MYO3A: variants seen among roughly 807,000 people sequenced by gnomAD.
The protein encoded by MYO3A is myosin-IIIa.
A neutral mutation model predicts 192.7 loss-of-function variants in MYO3A; 180 were observed. That is an observed-to-expected ratio of 0.93 (90% confidence interval 0.83 to 1.06). The LOEUF (loss-of-function observed/expected upper bound fraction) is 1.06. Among genes scored for constraint, MYO3A ranks in the 50% least tolerant of loss-of-function variants. The pLI, the probability that MYO3A is intolerant of heterozygous loss-of-function variation, is 0.00. For missense variants in MYO3A, 1,896 were observed against 1,905.0 expected (o/e 1.00, Z 0.09); for synonymous variants, 628 against 645.3 (o/e 0.97, Z 0.41).
Position 26,212,055 on chromosome 10 carries a change from G to A in MYO3A, c.*92G>A. On this transcript the variant is annotated 3_prime_UTR_variant, in exon 35 of 35. Transcript: ENST00000642920. ...GGCACTCTGGGGCTGGCACCAGCAG[G>A]CACTGAAGCTGCGGCCCTGATCTCC... is the stretch of plus-strand genomic sequence containing the variant. 1.3e-6 allele frequency: 2 copies of A among 1,510,800 alleles called. No homozygotes were observed. Among genetic ancestry groups the A allele is most frequent in the Non-Finnish European group, 1.8e-6 (2 of 1,122,574 alleles). The allele number at this position is 1,510,800 out of a possible 1,614,324, so 93.6% of individuals were successfully genotyped here.
At chr10:26,032,306 T>C (rs1842834299) in intron 10 of MYO3A, among the ~76,000 whole-genome samples, 1 of 152,160 alleles carries the variant, frequency 6.6e-6, no homozygotes, top group South Asian at 2.1e-4. Context: ...AAACTAAAAA[T>C]TGACCATCCA....
At chr10:25,947,519 G>T (rs1041735056) in intron 2 of MYO3A, among the ~76,000 whole-genome samples, 4 of 150,228 alleles carry the variant, frequency 2.7e-5, no homozygotes, top group African/African-American at 9.8e-5. Context: ...TCAGCCTGCT[G>T]AGTAGCTGGG....
In MYO3A at chr10:26,026,363, T is replaced by C; in HGVS notation, c.798-14T>C. 3 of 1,613,938 alleles carry C rather than the reference T, an allele frequency of 1.9e-6. No homozygotes were observed. Among genetic ancestry groups the C allele is most frequent in the Non-Finnish European group, 2.5e-6 (3 of 1,179,884 alleles). ...ACTTATCTAATAATTGCATGTTCTT[T>C]TTTGCCAGTGCAGGTGCTTGACTAA... is the stretch of plus-strand genomic sequence containing the variant. On this transcript the variant is annotated splice_polypyrimidine_tract_variant and intron_variant, in intron 9 of 34. Transcript: ENST00000642920.
At chr10:25,953,443 A>G (rs11014876) in intron 3 of MYO3A, among the ~76,000 whole-genome samples, 1,860 of 152,228 alleles carry the variant, frequency 0.012, 80 homozygotes, top group Admixed American at 0.07. Context: ...CCCAGGCTTA[A>G]CTGTTGCTGA....
At chr10:26,127,014 A>G (rs1839257347) in intron 19 of MYO3A, among the ~76,000 whole-genome samples, 1 of 152,144 alleles carries the variant, frequency 6.6e-6, no homozygotes, top group Non-Finnish European at 1.5e-5. Flanking sequence ...GTTATGGGAC[A>G]CTGGGCAACT....
At chr10:26,176,276 A>G (rs1343194628) in intron 30 of MYO3A, among the ~76,000 whole-genome samples, 1 of 151,410 alleles carries the variant, frequency 6.6e-6, no homozygotes, top group Non-Finnish European at 1.5e-5. Context: ...CCTGGGCGAC[A>G]GAGCGAGACT....
chr10:26,037,255 G>A (rs76626468), intron 10 of MYO3A, among the ~76,000 whole-genome samples: 9,260 of 152,278 alleles, frequency 0.061, 362 homozygotes, highest in Non-Finnish European at 0.088. Context: ...TGTCTCCAGT[G>A]CTGAGTCTAG....
intron 14 of MYO3A, among the ~76,000 whole-genome samples, chr10:26,084,788 G>A (rs895306919): frequency 2.0e-5 from 3 of 152,200 alleles, no homozygotes; most frequent in African/African-American, 7.2e-5. Context: ...ATAGACATTA[G>A]CCACACTATG....
intron 4 of MYO3A, among the ~76,000 whole-genome samples, chr10:25,988,107 A>G (rs1839766841): frequency 6.6e-6 from 1 of 152,238 alleles, no homozygotes; most frequent in South Asian, 2.1e-4. Context: ...GAAGTAACTC[A>G]GGAATGGAAA....
intron 17 of MYO3A, among the ~76,000 whole-genome samples, chr10:26,103,177 A>T (rs1488998368): frequency 6.6e-6 from 1 of 152,120 alleles, no homozygotes; most frequent in Non-Finnish European, 1.5e-5. Flanking sequence ...TGGGCATGGA[A>T]CCCTCCGGGC....
chr10:26,001,206 C>T (rs927639770), intron 6 of MYO3A, among the ~76,000 whole-genome samples: 12 of 152,158 alleles, frequency 7.9e-5, no homozygotes, highest in South Asian at 4.1e-4. Flanking sequence ...TCAGAATCTG[C>T]GGCATTCCTG....
intron 10 of MYO3A, among the ~76,000 whole-genome samples, chr10:26,040,303 A>G (rs900045324): frequency 6.6e-6 from 1 of 152,114 alleles, no homozygotes; most frequent in Non-Finnish European, 1.5e-5. Context: ...TCTTGGAGTT[A>G]TTTCAAAACA....
intron 33 of MYO3A, among the ~76,000 whole-genome samples, chr10:26,202,371 A>G (rs1843717063): frequency 6.6e-6 from 1 of 152,218 alleles, no homozygotes; most frequent in Admixed American, 6.5e-5. Flanking sequence ...AGAGCACCAT[A>G]GGAACCAGAC....
In MYO3A at chr10:26,168,875, G is replaced by T. The variant is rs201538580; in HGVS notation, c.3274+1G>T. The T allele has an allele frequency of 9.3e-6, 15 of 1,607,714 alleles. No individual in the cohort carries two copies. Among genetic ancestry groups the T allele is most frequent in the Middle Eastern group, 2.1e-4 (1 of 4,878 alleles). On this transcript the variant is annotated splice_donor_variant, in intron 28 of 34. Transcript: ENST00000642920. LOFTEE classifies it high-confidence loss of function. ...GAAAGCGCTATAATAATACAGTCAG[G>T]TAATCTCTTTGACATATTTAGATAT...
In MYO3A at chr10:26,094,521, T is replaced by C. The variant is rs549070044; in HGVS notation, c.1563-1860T>C. 1.0e-4 allele frequency among the ~76,000 whole-genome samples: 15 copies of C among 143,372 alleles called. No homozygotes were observed. The Middle Eastern group carries it at 0.013, about 124-fold the overall frequency. 94.1% of individuals were successfully genotyped at this position (143,372 alleles called of 152,430 possible). On this transcript the variant is annotated intron_variant, in intron 15 of 34. Coordinates refer to ENST00000642920, the MANE Select transcript of MYO3A (RefSeq NM_017433.5). ...CTCATTGCAAGCTCTGCCTCCCGGG[T>C]TCATGCCATTCTCCTGCCTCAGCCT...
At position 26,203,021 on chromosome 10, in the gene MYO3A, T is replaced by C; in HGVS notation, c.4644T>C (p.Arg1548=). The C allele has an allele frequency of 6.2e-7, 1 of 1,613,826 alleles. No homozygotes were observed. Among genetic ancestry groups the C allele is most frequent in the Non-Finnish European group, 8.5e-7 (1 of 1,179,828 alleles). The change falls in exon 34 of 35, where the codon CGT becomes CGC. Residue 1548 remains arginine (R), a synonymous_variant. Transcript: ENST00000642920. Reference sequence around the variant, plus strand: ...ATTATAAGGAATTTTTGCCCAGTCGTTCTGGACCAAAGGAACATAGCCCTA... The same window carrying C: ...ATTATAAGGAATTTTTGCCCAGTCGCTCTGGACCAAAGGAACATAGCCCTA... The part of the protein sequence containing the change: ...DFYYKEFLPS[R]SGPKEHSPSL...
At chr10:26,184,653 A>C (rs1178842490) in intron 31 of MYO3A, among the ~76,000 whole-genome samples, 4 of 152,226 alleles carry the variant, frequency 2.6e-5, no homozygotes, top group Non-Finnish European at 5.9e-5. Flanking sequence ...ATCCAAAAAA[A>C]GTGCATTTCT....
chr10:25,954,907 A>G lies in MYO3A; in HGVS notation c.202A>G (p.Ile68Val), dbSNP rs569392916. 2.5e-6 allele frequency: 4 copies of G among 1,612,490 alleles called. No individual in the cohort carries two copies. Among genetic ancestry groups the G allele is most frequent in the Non-Finnish European group, 3.4e-6 (4 of 1,178,804 alleles). ...IDEEIEAEYN[I>V]LKALSDHPNV... ...CGAAGAGATTGAAGCAGAATATAAC[A>G]TCTTAAAAGCACTTTCTGACCACCC... Residue 68 changes from isoleucine (I) to valine (V), a missense_variant, in exon 4 of 35, where the codon ATC becomes GTC. Transcript: ENST00000642920.
chr10:26,081,133 T>TCCCCCCCCCTTCCCCCCC lies in MYO3A; in HGVS notation c.1360-7061_1360-7060insTTCCCCCCCCCCCCCCCC, dbSNP rs1835907338. ...TAGAATTCCCAAGATTATATGCCCTTCCCCCCCCCCCCGCCCCCGCTACCA... is the reference window on the plus strand; with the variant it reads ...TAGAATTCCCAAGATTATATGCCCTTCCCCCCCCCTTCCCCCCCCCCCCCCCCCCCGCCCCCGCTACCA... On this transcript the variant is annotated intron_variant, in intron 14 of 34. Transcript: ENST00000642920. Among the ~76,000 whole-genome samples the TCCCCCCCCCTTCCCCCCC allele has an allele frequency of 2.4e-4, 20 of 84,938 alleles. 1 individual carries two copies. The highest frequency in any genetic ancestry group is 8.0e-4 in the African/African-American group (19 of 23,698). 55.7% of individuals were successfully genotyped at this position (84,938 alleles called of 152,430 possible). A position where few individuals can be genotyped will look rare whatever the true frequency, so the allele number is the denominator to read the frequency against.
Sources: gnomAD v4.1 joint callset for allele counts (sites outside exome capture counted in the v4.1 genomes callset) on GRCh38, gnomAD v4.1.1 for gene constraint, MANE v1.5 for transcripts, NCBI Gene and HGNC (gene_info 2026-07-23, HGNC 2026-07-21) for gene names.